Variants in SHISAL1 observed in about 807,000 individuals in gnomAD.
SHISAL1 encodes the protein protein shisa-like-1.
SHISAL1 carries 9 observed loss-of-function variants against 22.6 expected under a neutral mutation model. The observed-to-expected ratio is 0.40, with a 90% CI of 0.24 to 0.70. SHISAL1 has a LOEUF of 0.70. Among genes scored for constraint, SHISAL1 ranks in the 30% least tolerant of loss-of-function variants. The pLI, the probability that SHISAL1 is intolerant of heterozygous loss-of-function variation, is 0.39. For synonymous variants in SHISAL1, 119 were observed against 115.4 expected (o/e 1.03, Z -0.20); for missense variants, 246 against 270.6 (o/e 0.91, Z 0.64).
chr22:44,311,072 C>T lies in SHISAL1; in HGVS notation c.-33+1679G>A, dbSNP rs148467436. On this transcript the variant is annotated intron_variant, in intron 1 of 4. Transcript: ENST00000381176. ...TGGCCTCAACTTTTACGGCCACCAC[C>T]GGGAGTGACCTTGGGCCATCAGCCC... 5.4e-4 allele frequency among the ~76,000 whole-genome samples: 82 copies of T among 152,252 alleles called. 1 individual carries two copies. The East Asian group carries it at 0.014, about 26-fold the overall frequency.
chr22:44,259,093 C>T (rs575733137), intron 4 of SHISAL1, among the ~76,000 whole-genome samples: 23 of 152,316 alleles, frequency 1.5e-4, no homozygotes, highest in Admixed American at 2.6e-4. Context: ...TGCATCCTCA[C>T]CCGCCCTGCT....
At position 44,285,462 on chromosome 22, in the gene SHISAL1, G is replaced by C; in HGVS notation, c.565C>G (p.Pro189Ala). Residue 189 changes from proline to alanine, a missense_variant, in exon 4 of 5, where the codon CCA (proline) becomes GCA (alanine). Pro to Ala is a conservative substitution (Grantham distance 27). Coordinates refer to ENST00000381176, the MANE Select transcript of SHISAL1 (RefSeq NM_001099294.2). ...VHTLRGDAHS[P>A]PLMTFQSSSA is the part of the protein sequence containing the mutation. The stretch of plus-strand genomic sequence containing the variant: ...GAACTCTGGAAGGTCATCAGCGGTG[G>C]GCTGTGAGCATCTCCCCGCAATGTG... 2.5e-6 allele frequency: 4 copies of C among 1,614,054 alleles called. No individual in the cohort carries two copies. Among genetic ancestry groups the C allele is most frequent in the Non-Finnish European group, 3.4e-6 (4 of 1,179,932 alleles).
chr22:44,263,608 G>A (rs1016313757), intron 4 of SHISAL1, among the ~76,000 whole-genome samples: 5 of 152,190 alleles, frequency 3.3e-5, no homozygotes, highest in Non-Finnish European at 5.9e-5. Context: ...TGGGCCTGAT[G>A]CCATCACAGG....
rs942560586 is a variant in SHISAL1, at chr22:44,244,205, C to A, written c.*5480G>T. On this transcript the variant is annotated 3_prime_UTR_variant, in exon 5 of 5. Transcript: ENST00000381176. ...TTGGTTCCAGCTGTGGCCAGGGTGG[C>A]CATATCATCTATAGTTTTAGATCCT... 6.6e-6 allele frequency: 1 copy of A among 152,164 alleles called. No individual in the cohort carries two copies. The highest frequency in any genetic ancestry group is 1.5e-5 in the Non-Finnish European group (1 of 68,046). 9.4% of individuals were successfully genotyped at this position (152,164 alleles called of 1,614,324 possible).
At chr22:44,263,997 T>C (rs1309916381) in intron 4 of SHISAL1, among the ~76,000 whole-genome samples, 2 of 152,160 alleles carry the variant, frequency 1.3e-5, no homozygotes, top group African/African-American at 2.4e-5. Context: ...TGAAGGTTCA[T>C]AGCAGCTTTA....
intron 3 of SHISAL1, among the ~76,000 whole-genome samples, chr22:44,290,389 C>T (rs1270178460): frequency 2.0e-5 from 3 of 152,012 alleles, no homozygotes; most frequent in Non-Finnish European, 2.9e-5. Context: ...ATTAGCTGGG[C>T]GTGGTGGCAG....
chr22:44,302,204 G>T (rs1230352540), intron 1 of SHISAL1, among the ~76,000 whole-genome samples: 1 of 152,092 alleles, frequency 6.6e-6, no homozygotes, highest in Non-Finnish European at 1.5e-5. Context: ...GCCGGGCATG[G>T]TGGTGCATGT....
chr22:44,273,906 A>C (rs2055221144), intron 4 of SHISAL1, among the ~76,000 whole-genome samples: 1 of 152,206 alleles, frequency 6.6e-6, no homozygotes, highest in Admixed American at 6.5e-5. Context: ...CAGGTGTTTT[A>C]TCTCAAGAAC....
the SHISAL1 span, among the ~76,000 whole-genome samples, chr22:44,328,678 T>C: frequency 6.6e-6 from 1 of 152,180 alleles, no homozygotes; most frequent in East Asian, 1.9e-4. Flanking sequence ...GAAATCAGAT[T>C]CACCTTCTTG....
At position 44,302,621 on chromosome 22, in the gene SHISAL1, G is replaced by T. The variant is rs567231328; in HGVS notation, c.-32-1644C>A. On this transcript the variant is annotated intron_variant, in intron 1 of 4. Coordinates refer to ENST00000381176, the MANE Select transcript of SHISAL1 (RefSeq NM_001099294.2). ...TGCTGCACACGGAGGGATAGCAGGG[G>T]CAAAGGCCCTGGGGTGGGTGCGGTG... is the stretch of plus-strand genomic sequence containing the variant. 1.1e-4 allele frequency among the ~76,000 whole-genome samples: 16 copies of T among 152,110 alleles called. No individual in the cohort carries two copies. In the South Asian group the frequency reaches 3.3e-3, roughly 32 times the overall value.
chr22:44,276,261 G>A (rs921596803), intron 4 of SHISAL1, among the ~76,000 whole-genome samples: 7 of 152,174 alleles, frequency 4.6e-5, no homozygotes, highest in African/African-American at 1.7e-4. Context: ...GGATCCAGGA[G>A]GAGAGAGGTC....
intron 3 of SHISAL1, among the ~76,000 whole-genome samples, chr22:44,291,523 T>C (rs1390497931): frequency 6.6e-6 from 1 of 152,002 alleles, no homozygotes; most frequent in Non-Finnish European, 1.5e-5. Context: ...TTGGAGGAAG[T>C]CCTCATAAGT....
rs1252119836 is a variant in SHISAL1 at position 44,296,888 on chromosome 22, G to A, written c.68-3C>T. On this transcript the variant is annotated splice_region_variant and splice_polypyrimidine_tract_variant and intron_variant, in intron 2 of 4. Transcript: ENST00000381176. ...GACCCGGAAATGTGCAGACAAGACT[G>A]GAAGACAGAGTCACCAGGCTCAGAG... is the stretch of plus-strand genomic sequence containing the variant. 6.2e-7 allele frequency: 1 copy of A among 1,609,754 alleles called. No individual in the cohort carries two copies. The highest frequency in any genetic ancestry group is 2.2e-5 in the East Asian group (1 of 44,824).
chr22:44,244,056 C>T lies in SHISAL1; in HGVS notation c.*5629G>A, dbSNP rs1216981377. 2.2e-4 allele frequency: 34 copies of T among 152,324 alleles called. No homozygotes were observed. The highest frequency in any genetic ancestry group is 3.3e-3 in the Middle Eastern group (1 of 300). 9.4% of individuals were successfully genotyped at this position (152,324 alleles called of 1,614,324 possible). A position where few individuals can be genotyped will look rare whatever the true frequency, so the allele number is the denominator to read the frequency against. ...CTGCACATTGTCGAGACACTGACCA[C>T]TTGGTTATTTGACTGTGAGGTATGC... On this transcript the variant is annotated 3_prime_UTR_variant, in exon 5 of 5. Transcript: ENST00000381176.
rs1022538011 is a variant in SHISAL1, at chr22:44,246,256, T to C, written c.*3429A>G. 4 of 152,230 alleles carry C rather than the reference T, an allele frequency of 2.6e-5. No homozygotes were observed. The highest frequency in any genetic ancestry group is 9.7e-5 in the African/African-American group (4 of 41,446). 9.4% of individuals were successfully genotyped at this position (152,230 alleles called of 1,614,324 possible). ...GAGAGGGAAAGCATAAAACTGCTCA[T>C]TAATTACACACAGTTCCCAGTGGGA... is the stretch of plus-strand genomic sequence containing the variant. On this transcript the variant is annotated 3_prime_UTR_variant, in exon 5 of 5. Coordinates refer to ENST00000381176, the MANE Select transcript of SHISAL1 (RefSeq NM_001099294.2).
rs80193293 is a variant in SHISAL1, at chr22:44,300,091, A to G, written c.67+788T>C. ...CAGAGACACAGAAAGACAGACAGAGACAGACACAGAGAGACAGACAGAGAG... is the reference window on the plus strand; with the variant it reads ...CAGAGACACAGAAAGACAGACAGAGGCAGACACAGAGAGACAGACAGAGAG... On this transcript the variant is annotated intron_variant, in intron 2 of 4. Coordinates refer to ENST00000381176, the MANE Select transcript of SHISAL1 (RefSeq NM_001099294.2). 6.1e-3 allele frequency among the ~76,000 whole-genome samples: 929 copies of G among 152,030 alleles called. 5 individuals are homozygous for G. Among genetic ancestry groups the G allele is most frequent in the African/African-American group, 0.021 (885 of 41,352 alleles).
chr22:44,252,936 C>T (rs1444434397), intron 4 of SHISAL1, among the ~76,000 whole-genome samples: 1 of 151,606 alleles, frequency 6.6e-6, no homozygotes, highest in Non-Finnish European at 1.5e-5. Flanking sequence ...GCAGAGGTTG[C>T]AGTGAGCCGA....
At chr22:44,315,033 G>A (rs534816584), upstream of SHISAL1, among the ~76,000 whole-genome samples, 52 of 152,272 alleles carry the variant, frequency 3.4e-4, no homozygotes, top group South Asian at 6.2e-4. Context: ...AGCGGGACGT[G>A]GGGTGAAGTG....
intron 3 of SHISAL1, among the ~76,000 whole-genome samples, chr22:44,293,491 C>T (rs1443363611): frequency 6.6e-6 from 1 of 152,134 alleles, no homozygotes; most frequent in East Asian, 1.9e-4. Context: ...CAGAGTGGGC[C>T]CCACCATGGA....
Sources: allele counts gnomAD v4.1 joint callset (sites outside exome capture counted in the v4.1 genomes callset), GRCh38; gene constraint gnomAD v4.1.1; transcripts MANE v1.5; gene names NCBI Gene and HGNC (gene_info 2026-07-23, HGNC 2026-07-21).